The following NSUN4 variants were observed in gnomAD, a reference collection of about 807,000 sequenced individuals.
NSUN4 encodes NOP2/Sun RNA methyltransferase 4, also known as 5-cytosine rRNA methyltransferase NSUN4.
Under a neutral mutation model 43.8 loss-of-function variants are expected in NSUN4, and 31 were observed. The observed-to-expected ratio is 0.71, with a 90% CI of 0.53 to 0.96. The LOEUF (loss-of-function observed/expected upper bound fraction) is 0.96. Among genes scored for constraint, NSUN4 ranks in the 40% least tolerant of loss-of-function variants. The pLI is 0.00. For synonymous variants in NSUN4, 167 were observed against 184.1 expected, an observed-to-expected ratio of 0.91 and a Z score of 0.75; for missense variants, 439 against 475.6, an observed-to-expected ratio of 0.92 and a Z score of 0.72.
intron 3 of NSUN4, among the ~76,000 whole-genome samples, chr1:46,349,621 C>G (rs1557739448): frequency 6.6e-6 from 1 of 152,214 alleles, no homozygotes; most frequent in African/African-American, 2.4e-5. Flanking sequence ...CCCTTCTTTT[C>G]CAGGTCTTGT....
At chr1:46,342,625 G>A (rs1395597623) in intron 1 of NSUN4, 1 of 399,106 alleles carries the variant, frequency 2.5e-6, no homozygotes, top group Non-Finnish European at 4.4e-6. Context: ...GAACCATCTC[G>A]TCCCCATGGT....
the NSUN4 span, among the ~76,000 whole-genome samples, chr1:46,378,959 G>A: frequency 6.6e-6 from 1 of 152,210 alleles, no homozygotes; most frequent in African/African-American, 2.4e-5. Context: ...GGGCTAAGAA[G>A]TAGCACAAAA....
downstream of NSUN4, among the ~76,000 whole-genome samples, chr1:46,365,592 T>C (rs1332641813): frequency 6.6e-6 from 1 of 152,090 alleles, no homozygotes; most frequent in Non-Finnish European, 1.5e-5. Context: ...TCCACCTACC[T>C]CGGCCTCCCA....
At chr1:46,356,050 C>G (rs1031633806) in intron 4 of NSUN4, among the ~76,000 whole-genome samples, 3 of 151,552 alleles carry the variant, frequency 2.0e-5, no homozygotes, top group African/African-American at 7.3e-5. Flanking sequence ...ACAATATACT[C>G]TGTGGTAGGC....
chr1:46,371,008 C>G, the NSUN4 span: 3 of 152,528 alleles, frequency 2.0e-5, no homozygotes, highest in African/African-American at 7.2e-5. Context: ...ATTATTATCC[C>G]CATTTTAACA....
the NSUN4 span, among the ~76,000 whole-genome samples, chr1:46,383,781 G>A: frequency 2.6e-5 from 4 of 152,060 alleles, no homozygotes; most frequent in South Asian, 2.1e-4. Flanking sequence ...TAAAGTTTTG[G>A]TGCCACAAAA....
rs1037953006 is a variant in NSUN4 at position 46,344,168 on chromosome 1, T to G, written c.94-633T>G. ...AGCAGTCATCCTAGAAGTCCCTGTT[T>G]TGGTTCACACCTCAAGATTCTGTGG... On this transcript the variant is annotated intron_variant, in intron 1 of 5. Coordinates refer to ENST00000474844, the MANE Select transcript of NSUN4 (RefSeq NM_199044.4). 21 of 167,194 alleles carry G rather than the reference T, an allele frequency of 1.3e-4. 1 individual carries two copies. The highest frequency in any genetic ancestry group is 5.7e-4 in the Admixed American group (9 of 15,672). The allele number at this position is 167,194 out of a possible 1,614,324, so 10.4% of individuals were successfully genotyped here.
At position 46,341,069 on chromosome 1, in the gene NSUN4, C is replaced by G. The variant is rs372605271; in HGVS notation, c.93+150C>G. 831 of 1,135,742 alleles carry G rather than the reference C, an allele frequency of 7.3e-4. 6 individuals are homozygous for G. The South Asian group carries it at 0.012, about 16-fold the overall frequency. 70.4% of individuals were successfully genotyped at this position (1,135,742 alleles called of 1,614,324 possible). ...CCTCCCTCTCTCGTCTTTTCCGTCA[C>G]CGCCTCTGTCCGCACTCTATGTCCC... On this transcript the variant is annotated intron_variant, in intron 1 of 5. Coordinates refer to ENST00000474844, the MANE Select transcript of NSUN4 (RefSeq NM_199044.4).
Position 46,344,974 on chromosome 1 carries a change from G to A in NSUN4, c.267G>A (p.Lys89=), listed in dbSNP as rs1227085764. The change falls in exon 2 of 6, where the codon AAG becomes AAA. Residue 89 remains lysine, a synonymous_variant. Coordinates refer to ENST00000474844, the MANE Select transcript of NSUN4 (RefSeq NM_199044.4). ...CTGCCTGGGATCATGTAAGTGCTAA[G>A]CTGGAGCAGCTGAGTGCCAAGGATT... ...NFAAWDHVSA[K]LEQLSAKDFV... The A allele has an allele frequency of 5.0e-6, 8 of 1,614,124 alleles. No homozygotes were observed. Among genetic ancestry groups the A allele is most frequent in the Non-Finnish European group, 6.8e-6 (8 of 1,180,044 alleles).
chr1:46,352,302 A>G (rs1440558156), intron 3 of NSUN4, among the ~76,000 whole-genome samples: 1 of 152,084 alleles, frequency 6.6e-6, no homozygotes, highest in East Asian at 1.9e-4. Flanking sequence ...AAATGCAAAA[A>G]TTAGCCGGGT....
chr1:46,360,288 C>T (rs1364513229), intron 4 of NSUN4, among the ~76,000 whole-genome samples: 3 of 118,352 alleles, frequency 2.5e-5, no homozygotes, highest in Admixed American at 9.0e-5. Flanking sequence ...GTAAATTAGT[C>T]TGGAGTGGTG....
chr1:46,384,832 C>T, the NSUN4 span, among the ~76,000 whole-genome samples: 93 of 152,210 alleles, frequency 6.1e-4, no homozygotes, highest in Middle Eastern at 3.4e-3. Flanking sequence ...CACCCTTTGA[C>T]GAGAACATGA....
In NSUN4 at chr1:46,352,864, A is replaced by G. The variant is rs369724414; in HGVS notation, c.593-4A>G. Reference sequence around the variant, plus strand: ...TGGCCTCTGAAGTATCTTTATTTCCATAGGCAATCTTGCTGCCAATGATCT... The same window carrying G: ...TGGCCTCTGAAGTATCTTTATTTCCGTAGGCAATCTTGCTGCCAATGATCT... On this transcript the variant is annotated splice_region_variant and splice_polypyrimidine_tract_variant and intron_variant, in intron 3 of 5. Transcript: ENST00000474844. The G allele has an allele frequency of 1.2e-6, 2 of 1,613,940 alleles. No homozygotes were observed. The highest frequency in any genetic ancestry group is 1.7e-6 in the Non-Finnish European group (2 of 1,179,874).
chr1:46,350,874 G>A (rs1226874970), intron 3 of NSUN4, among the ~76,000 whole-genome samples: 1 of 152,172 alleles, frequency 6.6e-6, no homozygotes, highest in African/African-American at 2.4e-5. Context: ...CTAAGGCAAG[G>A]CCTCATGGTC....
intron 4 of NSUN4, among the ~76,000 whole-genome samples, chr1:46,358,668 G>A (rs1663577523): frequency 1.3e-5 from 2 of 151,984 alleles, no homozygotes; most frequent in East Asian, 1.9e-4. Context: ...CCAAAGTGCT[G>A]GAATTACAGG....
chr1:46,348,188 C>A (rs72886903), intron 3 of NSUN4, among the ~76,000 whole-genome samples: 1 of 151,944 alleles, frequency 6.6e-6, no homozygotes, highest in Non-Finnish European at 1.5e-5. Context: ...CCCCTTGTGT[C>A]AAGTACTCAC....
downstream of NSUN4, among the ~76,000 whole-genome samples, chr1:46,366,217 G>A (rs1191738750): frequency 6.6e-6 from 1 of 152,100 alleles, no homozygotes; most frequent in Non-Finnish European, 1.5e-5. Flanking sequence ...AATGAGTAGT[G>A]ATGCTATAAA....
intron 3 of NSUN4, among the ~76,000 whole-genome samples, chr1:46,347,814 C>T (rs1166054707): frequency 1.3e-5 from 2 of 151,984 alleles, no homozygotes; most frequent in Non-Finnish European, 2.9e-5. Flanking sequence ...TAAATTTTCT[C>T]CCTGGAATTC....
chr1:46,358,524 C>G (rs1663564755), intron 4 of NSUN4, among the ~76,000 whole-genome samples: 1 of 151,196 alleles, frequency 6.6e-6, no homozygotes, highest in African/African-American at 2.4e-5. Flanking sequence ...GCCTCAGCCT[C>G]CCGAGTAGCT....
Sources: allele counts gnomAD v4.1 joint callset (sites outside exome capture counted in the v4.1 genomes callset), GRCh38; gene constraint gnomAD v4.1.1; transcripts MANE v1.5; gene names NCBI Gene and HGNC (gene_info 2026-07-23, HGNC 2026-07-21).